HNF4A: variants seen among roughly 807,000 people sequenced by gnomAD.
HNF4A encodes hepatocyte nuclear factor 4 alpha, also known as hepatocyte nuclear factor 4-alpha.
Under a neutral mutation model 52.4 loss-of-function variants are expected in HNF4A, and 15 were observed. The ratio of observed to expected loss-of-function variants is 0.29; its 90% CI spans 0.19 to 0.44. HNF4A has a LOEUF of 0.44. Among genes scored for constraint, HNF4A ranks in the 20% least tolerant of loss-of-function variants. The pLI, the probability that HNF4A is intolerant of heterozygous loss-of-function variation, is 1.00. For missense variants in HNF4A, 479 were observed against 647.2 expected, an observed-to-expected ratio of 0.74 and a Z score of 2.82; for synonymous variants, 280 against 264.4, an observed-to-expected ratio of 1.06 and a Z score of -0.57.
intron 1 of HNF4A, among the ~76,000 whole-genome samples, chr20:44,402,298 C>T (rs916322259): frequency 1.3e-5 from 2 of 152,020 alleles, no homozygotes; most frequent in Non-Finnish European, 2.9e-5. Flanking sequence ...GCTGTGTGTG[C>T]GGGTCATAGA....
intron 1 of HNF4A, among the ~76,000 whole-genome samples, chr20:44,356,717 GAC>G (rs2062862921): frequency 6.6e-6 from 1 of 152,204 alleles, no homozygotes; most frequent in African/African-American, 2.4e-5. Context: ...TTCGTGGAAT[GAC>G]ACAATAAAAT....
chr20:44,371,661 C>A (rs571883379), intron 1 of HNF4A, among the ~76,000 whole-genome samples: 13 of 151,990 alleles, frequency 8.6e-5, no homozygotes, highest in African/African-American at 3.1e-4. Flanking sequence ...CCCATCTCTA[C>A]TAAAAATGCA....
Position 44,356,626 on chromosome 20 carries a change from CTG to C in HNF4A, c.49+777_49+778del, listed in dbSNP as rs1397896867. Among the ~76,000 whole-genome samples the C allele has an allele frequency of 3.3e-5, 5 of 152,272 alleles. No homozygotes were observed. The East Asian group carries it at 9.7e-4, about 29-fold the overall frequency. ...TAAGTGAAAACGGTACACTGAAGAA[CTG>C]TGTAGTTGCTGATAGCGAAACGGAT... On this transcript the variant is annotated intron_variant, in intron 1 of 9. Coordinates refer to the HNF4A transcript ENST00000316673.
rs549670740 is a variant in HNF4A, at chr20:44,362,292, C to A, written c.49+6439C>A. 1.1e-4 allele frequency among the ~76,000 whole-genome samples: 16 copies of A among 151,860 alleles called. No individual in the cohort carries two copies. The South Asian group carries it at 3.3e-3, about 32-fold the overall frequency. ...AAAATTAGCTGGACGTGGTGCCAGG[C>A]GCCTGTAATCCCAGCTACTCGGGAG... On this transcript the variant is annotated intron_variant, in intron 1 of 9. Transcript: ENST00000316673.
At chr20:44,421,090 C>T (rs956173138) in intron 7 of HNF4A, among the ~76,000 whole-genome samples, 3 of 152,110 alleles carry the variant, frequency 2.0e-5, no homozygotes, top group Non-Finnish European at 2.9e-5. Context: ...CCCCATTTTT[C>T]CCAATATATT....
At chr20:44,389,778 TG>T (rs1407099344) in intron 1 of HNF4A, 1 of 152,306 alleles carries the variant, frequency 6.6e-6, no homozygotes, top group Admixed American at 6.5e-5. Flanking sequence ...TGTAAAGCTT[TG>T]GGGGCTATGG....
chr20:44,361,618 C>T (rs2062917493), intron 1 of HNF4A, among the ~76,000 whole-genome samples: 1 of 151,862 alleles, frequency 6.6e-6, no homozygotes. Context: ...GCAGAGGTTG[C>T]AGTGAGCCAA....
chr20:44,360,667 C>T lies in HNF4A; in HGVS notation c.49+4814C>T, dbSNP rs754717055. 7.9e-5 allele frequency among the ~76,000 whole-genome samples: 12 copies of T among 152,270 alleles called. No individual in the cohort carries two copies. In the South Asian group the frequency reaches 2.3e-3, roughly 29 times the overall value. ...CAAGTGAAGAGATAGGGGATGTCAACAATCTTCCATCAGGGCAATACTGTA... is the reference window on the plus strand; with the variant it reads ...CAAGTGAAGAGATAGGGGATGTCAATAATCTTCCATCAGGGCAATACTGTA... On this transcript the variant is annotated intron_variant, in intron 1 of 9. Coordinates refer to the HNF4A transcript ENST00000316673.
intron 1 of HNF4A, among the ~76,000 whole-genome samples, chr20:44,362,814 G>A (rs1382157846): frequency 6.6e-6 from 1 of 151,114 alleles, no homozygotes; most frequent in African/African-American, 2.4e-5. Flanking sequence ...CCTACTAGCT[G>A]TGTGACCTTG....
intron 1 of HNF4A, among the ~76,000 whole-genome samples, chr20:44,358,332 G>A (rs2062881073): frequency 6.6e-6 from 1 of 152,018 alleles, no homozygotes; most frequent in Non-Finnish European, 1.5e-5. Flanking sequence ...CTCCCAGGCT[G>A]GGTGCAGTGG....
intron 1 of HNF4A, among the ~76,000 whole-genome samples, chr20:44,372,457 A>T (rs188547297): frequency 1.1e-3 from 166 of 152,346 alleles, no homozygotes; most frequent in African/African-American, 3.7e-3. Flanking sequence ...TCCAGGCTCC[A>T]GAACTCCAGG....
intron 1 of HNF4A, among the ~76,000 whole-genome samples, chr20:44,405,489 A>G (rs1358330695): frequency 6.6e-6 from 1 of 151,864 alleles, no homozygotes; most frequent in Non-Finnish European, 1.5e-5. Flanking sequence ...CCCCCCTCAC[A>G]TTTGTGTAGA....
chr20:44,359,371 A>G (rs2062893317), intron 1 of HNF4A, among the ~76,000 whole-genome samples: 1 of 152,102 alleles, frequency 6.6e-6, no homozygotes, highest in Non-Finnish European at 1.5e-5. Flanking sequence ...GCAGGAGGAG[A>G]AGAGGTTTTC....
intron 8 of HNF4A, among the ~76,000 whole-genome samples, chr20:44,427,537 T>G (rs1010872101): frequency 6.6e-6 from 1 of 152,242 alleles, no homozygotes; most frequent in Non-Finnish European, 1.5e-5. Context: ...TCCATCATCG[T>G]CATATTACTC....
chr20:44,397,816 AG>A (rs1335666615), upstream of HNF4A, among the ~76,000 whole-genome samples: 4 of 151,974 alleles, frequency 2.6e-5, no homozygotes, highest in African/African-American at 7.2e-5. Flanking sequence ...TAGTAGAGAC[AG>A]GGTTTCTCCA....
chr20:44,375,609 C>T (rs933465365), intron 1 of HNF4A, among the ~76,000 whole-genome samples: 2 of 151,874 alleles, frequency 1.3e-5, no homozygotes, highest in Non-Finnish European at 2.9e-5. Flanking sequence ...AAGTTAGTGG[C>T]AGAGCCAAGA....
At chr20:44,370,090 G>A (rs112201519) in intron 1 of HNF4A, among the ~76,000 whole-genome samples, 463 of 152,058 alleles carry the variant, frequency 3.0e-3, no homozygotes, top group African/African-American at 0.01. Context: ...GCGGTGGCGC[G>A]ATCTCGGCTC....
intron 1 of HNF4A, among the ~76,000 whole-genome samples, chr20:44,396,091 T>C (rs923884218): frequency 1.3e-5 from 2 of 151,898 alleles, no homozygotes; most frequent in Non-Finnish European, 2.9e-5. Flanking sequence ...ATTCCAGGAG[T>C]CATGATGCAG....
At chr20:44,420,719 A>T (rs1245336151) in intron 7 of HNF4A, among the ~76,000 whole-genome samples, 1 of 152,146 alleles carries the variant, frequency 6.6e-6, no homozygotes, top group Non-Finnish European at 1.5e-5. Context: ...TCAGGAGGCC[A>T]AGGTGGGAGG....
Sources: gnomAD v4.1 joint callset for allele counts (sites outside exome capture counted in the v4.1 genomes callset) on GRCh38, gnomAD v4.1.1 for gene constraint, MANE v1.5 for transcripts, NCBI Gene and HGNC (gene_info 2026-07-23, HGNC 2026-07-21) for gene names.